The following FAT2 variants were observed in gnomAD, a reference collection of about 807,000 sequenced individuals.
FAT2 encodes the protein protocadherin Fat 2.
FAT2 carries 150 observed loss-of-function variants against 295.3 expected under a neutral mutation model. The ratio of observed to expected loss-of-function variants is 0.51; its 90% CI spans 0.44 to 0.58. FAT2 has a LOEUF of 0.58. FAT2 is among the 20% of genes least tolerant of loss of function. The pLI, the probability that FAT2 is intolerant of heterozygous loss-of-function variation, is 0.00. For missense variants in FAT2, 4,868 were observed against 5,442.7 expected, an observed-to-expected ratio of 0.89 and a Z score of 3.32; for synonymous variants, 2,026 against 2,150.3, an observed-to-expected ratio of 0.94 and a Z score of 1.60.
rs1390158680 is a variant in FAT2 at position 151,543,339 on chromosome 5, G to A, written c.7788C>T (p.Ser2596=). 1.2e-6 allele frequency: 2 copies of A among 1,614,178 alleles called. No individual in the cohort carries two copies. The highest frequency in any genetic ancestry group is 1.7e-6 in the Non-Finnish European group (2 of 1,180,038). ...TAACCGGAGAGTCTTTACTGACATT[G>A]GATTGAATGGATACTGTGTACTCAG... ...KASEYTVSIQ[S]NVSKDSPVIQ... is the part of the protein sequence containing the mutation. The change falls in exon 10 of 24, where the codon TCC becomes TCT. Residue 2596 remains serine, a synonymous_variant. Coordinates refer to ENST00000261800, the MANE Select transcript of FAT2 (RefSeq NM_001447.3).
rs763473254 is a variant in FAT2, at chr5:151,567,350, T to C, written c.1582A>G (p.Ile528Val). Reference sequence around the variant, plus strand: ...GATGCTCTTACCCGGAAGGTATAAATTCTTTTCATGAGTTCATAGTCCATG... The same window carrying C: ...GATGCTCTTACCCGGAAGGTATAAACTCTTTTCATGAGTTCATAGTCCATG... ...KPMDYELMKRIYTFRVRASDW... is the reference protein window; with the variant it reads ...KPMDYELMKRVYTFRVRASDW... Residue 528 changes from isoleucine (I) to valine (V), a missense_variant, in exon 2 of 24, where the codon ATT becomes GTT. By Grantham distance (29) the Ile-to-Val change is conservative. This residue lies in a region of FAT2 where 3,297 missense variants were observed against 3,669.4 expected (regional missense o/e 0.90). Coordinates refer to ENST00000261800, the MANE Select transcript of FAT2 (RefSeq NM_001447.3). 6 of 1,614,234 alleles carry C rather than the reference T, an allele frequency of 3.7e-6. No individual in the cohort carries two copies. The South Asian group carries it at 5.5e-5, about 15-fold the overall frequency.
intron 5 of FAT2, 68 bp downstream of exon 5, chr5:151,554,294 G>C (rs2127629754): frequency 6.9e-7 from 1 of 1,452,632 alleles, no homozygotes. Flanking sequence ...CCCTCCTCCT[G>C]AATTCTCAAA....
In FAT2 at chr5:151,540,578, G is replaced by A. The variant is rs2127602206; in HGVS notation, c.9028C>T (p.Gln3010Ter). 5.6e-6 allele frequency: 9 copies of A among 1,613,150 alleles called. No homozygotes were observed. The highest frequency in any genetic ancestry group is 1.1e-5 in the South Asian group (1 of 90,852). Reference protein sequence around the residue: ...FVLDVNDNSPQCSQLLYTGKV... With the variant: ...FVLDVNDNSP Reference sequence around the variant, plus strand: ...CGCCAGGCTCTCACCTGTGAACACTGTGGGCTGTTATCATTGACGTCCAGG... The same window carrying A: ...CGCCAGGCTCTCACCTGTGAACACTATGGGCTGTTATCATTGACGTCCAGG... The change falls in exon 11 of 24, where the codon CAG becomes TAG. Residue 3010 changes from glutamine to a stop codon, truncating the protein, a stop_gained. Coordinates refer to ENST00000261800, the MANE Select transcript of FAT2 (RefSeq NM_001447.3). LOFTEE classifies it high-confidence loss of function.
chr5:151,572,368 G>A (rs1182184967), intron 1 of FAT2, among the ~76,000 whole-genome samples: 4 of 152,102 alleles, frequency 2.6e-5, no homozygotes, highest in Non-Finnish European at 5.9e-5. Flanking sequence ...CCTTCCTTTT[G>A]GAAGCTGGAA....
chr5:151,565,647 A>ACGCCCCCCCCC, intron 2 of FAT2, 26 bp downstream of exon 2: 26 of 1,461,022 alleles, frequency 1.8e-5, no homozygotes, highest in East Asian at 4.9e-5. Context: ...TGGCCCTGGC[A>ACGCCCCCCCCC]CCCCACCCTA....
upstream of FAT2, among the ~76,000 whole-genome samples, chr5:151,592,822 C>A (rs1222807218): frequency 1.3e-5 from 2 of 152,068 alleles, no homozygotes; most frequent in African/African-American, 4.8e-5. Context: ...TAGCCTGGAC[C>A]CTATGAATTA....
intron 1 of FAT2, among the ~76,000 whole-genome samples, chr5:151,582,496 CT>C (rs1758998670): frequency 1.3e-5 from 2 of 152,194 alleles, no homozygotes. Flanking sequence ...AATCAAAATC[CT>C]TAGGGGTGGG....
chr5:151,563,961 C>G (rs1758137032), intron 2 of FAT2, among the ~76,000 whole-genome samples: 1 of 152,194 alleles, frequency 6.6e-6, no homozygotes, highest in South Asian at 2.1e-4. Context: ...AACCCAAATT[C>G]CATTGATCTA....
rs747286068 is a variant in FAT2, at chr5:151,551,650, T to C, written c.4157-44A>G. The C allele has an allele frequency of 9.9e-6, 16 of 1,608,342 alleles. No homozygotes were observed. In the South Asian group the frequency reaches 1.8e-4, roughly 18 times the overall value. On this transcript the variant is annotated intron_variant, in intron 6 of 23. Coordinates refer to ENST00000261800, the MANE Select transcript of FAT2 (RefSeq NM_001447.3). ...GAAAGCACACACAACCTCAGTGATT[T>C]AGGCAGCATAGCATAAGATAGGCTT...
intron 19 of FAT2, among the ~76,000 whole-genome samples, chr5:151,518,526 C>T (rs1753115188): frequency 6.6e-6 from 1 of 151,974 alleles, no homozygotes; most frequent in Non-Finnish European, 1.5e-5. Flanking sequence ...GATTTTAGAC[C>T]CACAAGGGTT....
At chr5:151,575,205 T>C (rs1758698200) in intron 1 of FAT2, among the ~76,000 whole-genome samples, 1 of 152,264 alleles carries the variant, frequency 6.6e-6, no homozygotes, top group African/African-American at 2.4e-5. Context: ...GAAAGAGAGC[T>C]GGGACATGAG....
intron 3 of FAT2, among the ~76,000 whole-genome samples, chr5:151,558,014 C>G (rs992142470): frequency 1.3e-5 from 2 of 152,208 alleles, no homozygotes; most frequent in Non-Finnish European, 2.9e-5. Flanking sequence ...TTCTCCCAAC[C>G]TTATTTCAAC....
intron 13 of FAT2, among the ~76,000 whole-genome samples, chr5:151,533,396 A>G (rs1754877723): frequency 2.8e-5 from 2 of 70,204 alleles, no homozygotes; most frequent in African/African-American, 1.8e-4. Context: ...TATCTCCAAC[A>G]CACACACACA....
chr5:151,525,892 G>T lies in FAT2; in HGVS notation c.10382C>A (p.Pro3461His), dbSNP rs768412789. The change falls in exon 18 of 24, where the codon CCC becomes CAC. Residue 3461 changes from proline (P) to histidine (H), a missense_variant. Coordinates refer to ENST00000261800, the MANE Select transcript of FAT2 (RefSeq NM_001447.3). ...CCCCTTGGTGATTCGAAACGAGTAG[G>T]GGGGGCCATTCTCTGGAGAATCTGG... ...SDPDSPENGP[P>H]YSFRITKGNN... The T allele has an allele frequency of 1.6e-5, 26 of 1,614,070 alleles. No individual in the cohort carries two copies. Among genetic ancestry groups the T allele is most frequent in the Middle Eastern group, 1.6e-4 (1 of 6,084 alleles).
upstream of FAT2, among the ~76,000 whole-genome samples, chr5:151,594,166 T>A (rs1248322940): frequency 1.3e-5 from 2 of 152,220 alleles, no homozygotes; most frequent in African/African-American, 4.8e-5. Flanking sequence ...TTGGCCAAGG[T>A]CACTGGTCTA....
At chr5:151,509,729 T>C in intron 22 of FAT2, 1 of 300,198 alleles carries the variant, frequency 3.3e-6, no homozygotes, top group Non-Finnish European at 6.3e-6. Flanking sequence ...CTTCATTATA[T>C]ATTACAATGT....
intron 11 of FAT2, among the ~76,000 whole-genome samples, chr5:151,538,454 T>A (rs1359079089): frequency 6.6e-6 from 1 of 152,148 alleles, no homozygotes; most frequent in Non-Finnish European, 1.5e-5. Context: ...TTGAGTCAGG[T>A]CTGGACTCCA....
intron 20 of FAT2, among the ~76,000 whole-genome samples, chr5:151,515,561 C>A (rs921095084): frequency 3.3e-5 from 5 of 152,214 alleles, no homozygotes; most frequent in African/African-American, 9.7e-5. Flanking sequence ...CACCCATACC[C>A]TTCCCCAGGC....
rs1756523651 is a variant in FAT2 at position 151,545,392 on chromosome 5, G to C, written c.5735C>G (p.Ala1912Gly). The change falls in exon 10 of 24, where the codon GCT becomes GGT. Residue 1912 changes from alanine to glycine, a missense_variant. This residue lies in a region of FAT2 where 3,297 missense variants were observed against 3,669.4 expected (regional missense o/e 0.90). Coordinates refer to ENST00000261800, the MANE Select transcript of FAT2 (RefSeq NM_001447.3). ...EVNYSIKTGN[A>G]DEAVTIHPVT... ...AGGATGGATGGTAACAGCTTCATCA[G>C]CATTGCCAGTTTTGATGCTATAATT... 1.2e-6 allele frequency: 2 copies of C among 1,614,164 alleles called. No individual in the cohort carries two copies. The highest frequency in any genetic ancestry group is 1.3e-5 in the African/African-American group (1 of 75,044).
Sources: gnomAD v4.1 joint callset for allele counts (sites outside exome capture counted in the v4.1 genomes callset) on GRCh38, gnomAD v4.1.1 for gene constraint, gnomAD v4.1.1 regional missense constraint, MANE v1.5 for transcripts, NCBI Gene and HGNC (gene_info 2026-07-23, HGNC 2026-07-21) for gene names.